The following INTS1 variants were observed in gnomAD, a reference collection of about 807,000 sequenced individuals.
INTS1 encodes integrator complex subunit 1.
INTS1 carries 137 observed loss-of-function variants against 241.6 expected under a neutral mutation model. That is an observed-to-expected ratio of 0.57 (90% CI 0.49 to 0.65). The LOEUF is 0.65. Among genes scored for constraint, INTS1 ranks in the 30% least tolerant of loss-of-function variants. INTS1 has a pLI of 0.00. For missense variants in INTS1, 3,073 were observed against 3,032.2 expected, an observed-to-expected ratio of 1.01 and a Z score of -0.32; for synonymous variants, 1,692 against 1,337.8, an observed-to-expected ratio of 1.26 and a Z score of -5.78.
intron 26 of INTS1, 73 bp downstream of exon 26, chr7:1,483,669 A>T: frequency 8.6e-7 from 1 of 1,162,426 alleles, no homozygotes; most frequent in Non-Finnish European, 1.3e-6. Context: ...AGGATGCGGA[A>T]GCCGCTGGGT....
chr7:1,488,284 T>C (rs531196401), intron 18 of INTS1, among the ~76,000 whole-genome samples: 6 of 152,130 alleles, frequency 3.9e-5, no homozygotes, highest in Non-Finnish European at 8.8e-5. Flanking sequence ...GCTGGGAGCA[T>C]AGCCTAGTTT....
rs779426118 is a variant in INTS1, at chr7:1,497,108, G to A, written c.1602+30C>T. 2.1e-5 allele frequency: 33 copies of A among 1,573,312 alleles called. No homozygotes were observed. In the East Asian group the frequency reaches 6.8e-4, roughly 33 times the overall value. ...GCGGCGCGTGGAACCCGCAGTGAGG[G>A]AAAGGCGCCCCAGCGGCGAGGGCTG... On this transcript the variant is annotated intron_variant, in intron 11 of 47. Transcript: ENST00000404767. This position sits in a 1 kb window ranked among gnomAD's most constrained non-coding sequence, Gnocchi z 5.3.
At chr7:1,503,849 A>ACCCCCCAAGC in intron 2 of INTS1, 54 bp downstream of exon 2, 1 of 1,193,078 alleles carries the variant, frequency 8.4e-7, no homozygotes, top group Non-Finnish European at 1.2e-6. Flanking sequence ...ATCCCCAAAG[A>ACCCCCCAAGC]CCCCCAAAGA....
intron 41 of INTS1, 132 bp from the exon 42 acceptor site, chr7:1,473,825 G>A: frequency 8.6e-7 from 1 of 1,159,948 alleles, no homozygotes; most frequent in Non-Finnish European, 1.2e-6. Flanking sequence ...CAACCACTGG[G>A]GCGTCACAGG....
chr7:1,502,835 C>T, intron 3 of INTS1, 66 bp downstream of exon 3: 2 of 1,572,334 alleles, frequency 1.3e-6, no homozygotes, highest in Non-Finnish European at 1.7e-6. Flanking sequence ...AGGGGGCCTT[C>T]CCTGAACACC....
intron 16 of INTS1, 21 bp from the exon 17 acceptor site, chr7:1,489,703 G>T: frequency 6.8e-7 from 1 of 1,468,356 alleles, no homozygotes; most frequent in Non-Finnish European, 9.1e-7. Flanking sequence ...GGGGCGCCCC[G>T]ACTCAGGCCC....
At chr7:1,474,097 G>A (rs993359951) in intron 41 of INTS1, 71 bp downstream of exon 41, 5 of 1,453,942 alleles carry the variant, frequency 3.4e-6, no homozygotes, top group Admixed American at 2.4e-5. Flanking sequence ...CTCCGCGAGT[G>A]GGTGAGGCAG....
chr7:1,494,509 G>T, intron 14 of INTS1: 1 of 480,938 alleles, frequency 2.1e-6, no homozygotes, highest in Non-Finnish European at 3.8e-6. Flanking sequence ...ATCTGAGACT[G>T]CGTGAAGGGT....
Position 1,480,841 on chromosome 7 carries a change from G to A in INTS1, c.3943C>T (p.Arg1315Cys), listed in dbSNP as rs555209299. 255 of 1,551,508 alleles carry A rather than the reference G, an allele frequency of 1.6e-4. No homozygotes were observed. The highest frequency in any genetic ancestry group is 4.8e-4 in the African/African-American group (35 of 73,306). ...CCCCACCCCTCCCCAGTACCTCGGCGGGGCGGCAGGGAGGCTGTGAGCAAG... is the reference window on the plus strand; with the variant it reads ...CCCCACCCCTCCCCAGTACCTCGGCAGGGCGGCAGGGAGGCTGTGAGCAAG... ...HSLLTASLPPRRDSTEAPKPK... is the reference protein window; with the variant it reads ...HSLLTASLPPCRDSTEAPKPK... The change falls in exon 29 of 48, where the codon CGC becomes TGC. Residue 1315 changes from arginine (R) to cysteine (C), a missense_variant. Physicochemically the swap from Arg to Cys is radical, Grantham distance 180. Coordinates refer to ENST00000404767, the MANE Select transcript of INTS1 (RefSeq NM_001080453.3).
chr7:1,485,679 C>T (rs1232575065), intron 22 of INTS1, among the ~76,000 whole-genome samples: 1 of 152,224 alleles, frequency 6.6e-6, no homozygotes, highest in African/African-American at 2.4e-5. Flanking sequence ...CACTCTGGAC[C>T]CTCCCGTCAC....
intron 31 of INTS1, among the ~76,000 whole-genome samples, chr7:1,479,161 T>C (rs1245619618): frequency 6.6e-6 from 1 of 152,292 alleles, no homozygotes; most frequent in South Asian, 2.1e-4. Context: ...AACACAGTCC[T>C]AGGTACCAGC....
Position 1,503,968 on chromosome 7 carries a change from C to T in INTS1, c.-8G>A, listed in dbSNP as rs766044015. The T allele has an allele frequency of 1.9e-6, 3 of 1,548,720 alleles. No individual in the cohort carries two copies. The highest frequency in any genetic ancestry group is 1.2e-5 in the South Asian group (1 of 84,050). On this transcript the variant is annotated 5_prime_UTR_variant, in exon 2 of 48. Transcript: ENST00000404767. ...GGGCTTGGCCCGGTTCATCCTGCCC[C>T]GTCCCTCGCGGCTCCCGGCGGCTGC...
Position 1,474,257 on chromosome 7 carries a change from G to T in INTS1, c.5740C>A (p.Leu1914Met). ...ACGTGCGGCTGCAGCAGCTCCAGCA[G>T]GCCCAGCACGTGCAGGAAGCAGCTC... ...HLSCFLHVLG[L>M]LELLQPHVFR... Residue 1914 changes from leucine to methionine, a missense_variant, in exon 41 of 48, where the codon CTG becomes ATG. Coordinates refer to ENST00000404767, the MANE Select transcript of INTS1 (RefSeq NM_001080453.3). The T allele has an allele frequency of 6.2e-7, 1 of 1,607,440 alleles. No individual in the cohort carries two copies.
intron 8 of INTS1, 32 bp downstream of exon 8, chr7:1,498,943 G>GGGCCCC: frequency 2.0e-5 from 21 of 1,070,704 alleles, no homozygotes; most frequent in Non-Finnish European, 2.5e-5. Context: ...CCCACCCCCT[G>GGGCCCC]CCCCGCCCAC....
Position 1,482,824 on chromosome 7 carries a change from G to T in INTS1, c.3542-117C>A. ...CCGAGAAGGAAACTGAGACTTGGGA[G>T]GAGCACGGGGCTCCTGTGCTAGGTG... On this transcript the variant is annotated intron_variant, in intron 26 of 47. Coordinates refer to ENST00000404767, the MANE Select transcript of INTS1 (RefSeq NM_001080453.3). The T allele has an allele frequency of 4.0e-6, 5 of 1,247,966 alleles. No individual in the cohort carries two copies. In the South Asian group the frequency reaches 7.1e-5, roughly 18 times the overall value. 77.3% of individuals were successfully genotyped at this position (1,247,966 alleles called of 1,614,324 possible). A position where few individuals can be genotyped will look rare whatever the true frequency, so the allele number is the denominator to read the frequency against.
In INTS1 at chr7:1,470,965, CCA is replaced by C; in HGVS notation, c.6348-12_6348-11del. 2 of 1,552,762 alleles carry C rather than the reference CCA, an allele frequency of 1.3e-6. No homozygotes were observed. The highest frequency in any genetic ancestry group is 1.7e-6 in the Non-Finnish European group (2 of 1,148,158). ...GAAAGCGGCTGCAATGCTGAAAGACCCACACACTTCAGTGGGAACCTCCACCC... is the reference window on the plus strand; with the variant it reads ...GAAAGCGGCTGCAATGCTGAAAGACCCACACTTCAGTGGGAACCTCCACCC... On this transcript the variant is annotated splice_polypyrimidine_tract_variant and intron_variant, in intron 46 of 47. Transcript: ENST00000404767.
At chr7:1,502,591 C>T (rs73277934) in intron 3 of INTS1, among the ~76,000 whole-genome samples, 2,314 of 152,234 alleles carry the variant, frequency 0.015, 56 homozygotes, top group African/African-American at 0.05. Context: ...TCGTCACGCC[C>T]GGTTTACCCC....
rs1782833582 is a variant in INTS1 at position 1,496,022 on chromosome 7, G to A, written c.1711+134C>T. ...GGGGACGGCAGCTTCCAGGCTCCGT[G>A]TCCCCGAGTAGCCGTGCTGCGGGAC... On this transcript the variant is annotated intron_variant, in intron 12 of 47. Transcript: ENST00000404767. The A allele has an allele frequency of 1.1e-5, 7 of 665,632 alleles. No homozygotes were observed. In the South Asian group the frequency reaches 1.3e-4, roughly 12 times the overall value. The allele number at this position is 665,632 out of a possible 1,614,324, so 41.2% of individuals were successfully genotyped here.
intron 27 of INTS1, among the ~76,000 whole-genome samples, chr7:1,482,016 C>T (rs189551394): frequency 6.6e-6 from 1 of 152,258 alleles, no homozygotes; most frequent in Admixed American, 6.5e-5. Flanking sequence ...CCATCGGTGG[C>T]TTCCGGGGGC....
Sources: allele counts gnomAD v4.1 joint callset (sites outside exome capture counted in the v4.1 genomes callset), GRCh38; gene constraint gnomAD v4.1.1; non-coding constraint Gnocchi (gnomAD v3.1); transcripts MANE v1.5; gene names NCBI Gene and HGNC (gene_info 2026-07-23, HGNC 2026-07-21).